POLR1D: variants seen among roughly 807,000 people sequenced by gnomAD.
The protein encoded by POLR1D is DNA-directed RNA polymerases I and III subunit RPAC2.
POLR1D carries 8 observed loss-of-function variants against 10.8 expected under a neutral mutation model. The ratio of observed to expected loss-of-function variants is 0.74; its 90% CI spans 0.43 to 1.33. The LOEUF is 1.33. Among genes scored for constraint, POLR1D ranks in the 40% most tolerant of loss-of-function variants. The pLI is 0.01. For missense variants in POLR1D, 152 were observed against 161.7 expected, an observed-to-expected ratio of 0.94 and a Z score of 0.32; for synonymous variants, 54 against 57.2, an observed-to-expected ratio of 0.94 and a Z score of 0.25.
At chr13:27,654,310 A>T (rs1381467740) in intron 2 of POLR1D, among the ~76,000 whole-genome samples, 2 of 152,164 alleles carry the variant, frequency 1.3e-5, no homozygotes, top group East Asian at 3.8e-4. Context: ...ATTTTGTAAC[A>T]TCATCATTGG....
intron 2 of POLR1D, among the ~76,000 whole-genome samples, chr13:27,653,838 G>A (rs1164011475): frequency 6.6e-6 from 1 of 152,124 alleles, no homozygotes; most frequent in Non-Finnish European, 1.5e-5. Context: ...AGACACCTGG[G>A]TTCTTATATC....
intron 1 of POLR1D, among the ~76,000 whole-genome samples, chr13:27,644,058 C>T (rs928110046): frequency 1.2e-4 from 18 of 152,274 alleles, no homozygotes; most frequent in African/African-American, 4.1e-4. Flanking sequence ...AAGCTTCTAA[C>T]GTTCAGCCTT....
intron 2 of POLR1D, among the ~76,000 whole-genome samples, chr13:27,652,284 A>G (rs1442438276): frequency 6.6e-6 from 1 of 152,162 alleles, no homozygotes; most frequent in African/African-American, 2.4e-5. Context: ...TGGCTTCATA[A>G]AACTTTCTGA....
intron 1 of POLR1D, among the ~76,000 whole-genome samples, chr13:27,639,953 G>A (rs1478722335): frequency 6.6e-6 from 1 of 152,120 alleles, no homozygotes; most frequent in Admixed American, 6.6e-5. Flanking sequence ...AGATCCTGGG[G>A]CCTAGAGTCA....
At chr13:27,629,210 A>G (rs1443839246) in intron 1 of POLR1D, among the ~76,000 whole-genome samples, 1 of 152,184 alleles carries the variant, frequency 6.6e-6, no homozygotes, top group East Asian at 1.9e-4. Flanking sequence ...AAACTTAGGC[A>G]GTATAACATT....
At chr13:27,654,427 A>T (rs1188637699) in intron 2 of POLR1D, among the ~76,000 whole-genome samples, 1 of 152,212 alleles carries the variant, frequency 6.6e-6, no homozygotes, top group African/African-American at 2.4e-5. Context: ...CACCAATCTC[A>T]TCAGATCAGT....
intron 2 of POLR1D, among the ~76,000 whole-genome samples, chr13:27,654,249 G>A (rs1593291742): frequency 6.6e-6 from 1 of 152,072 alleles, no homozygotes; most frequent in African/African-American, 2.4e-5. Flanking sequence ...TACAGTAAAA[G>A]CCCTTTATAT....
chr13:27,644,744 G>A (rs1469509083), intron 1 of POLR1D, among the ~76,000 whole-genome samples: 2 of 151,832 alleles, frequency 1.3e-5, no homozygotes, highest in East Asian at 3.9e-4. Context: ...TTCAAGTTCT[G>A]TATATACTTA....
upstream of POLR1D, chr13:27,620,829 G>C (rs1017105328): frequency 8.5e-5 from 13 of 153,268 alleles, no homozygotes; most frequent in East Asian, 2.3e-3. Flanking sequence ...CCGCTGGCTA[G>C]GTGTCTGCGC....
intron 1 of POLR1D, among the ~76,000 whole-genome samples, chr13:27,631,411 C>G (rs1379693140): frequency 1.3e-5 from 2 of 152,174 alleles, no homozygotes; most frequent in Admixed American, 1.3e-4. Context: ...TGCCTCTGCT[C>G]TATTCTGTTG....
At chr13:27,643,060 G>T (rs1956189666) in intron 1 of POLR1D, among the ~76,000 whole-genome samples, 1 of 151,982 alleles carries the variant, frequency 6.6e-6, no homozygotes. Context: ...AATGAATATT[G>T]GAGCTCCCTC....
chr13:27,624,137 C>A (rs192713933), downstream of POLR1D, among the ~76,000 whole-genome samples: 5 of 152,248 alleles, frequency 3.3e-5, no homozygotes, highest in East Asian at 5.8e-4. Flanking sequence ...TTTATCTATC[C>A]CCTCTTCCTG....
At chr13:27,640,960 T>A (rs748969753) in intron 1 of POLR1D, among the ~76,000 whole-genome samples, 12 of 152,212 alleles carry the variant, frequency 7.9e-5, no homozygotes, top group Non-Finnish European at 1.5e-4. Context: ...GTACTAGGTA[T>A]AATCTAGTCT....
intron 2 of POLR1D, chr13:27,665,389 G>T (rs1336972925): frequency 8.9e-6 from 3 of 335,896 alleles, no homozygotes; most frequent in Non-Finnish European, 1.7e-5. Flanking sequence ...AAATGATTCT[G>T]TTAGTTCACA....
intron 1 of POLR1D, among the ~76,000 whole-genome samples, chr13:27,639,933 G>A (rs1427776393): frequency 6.6e-6 from 1 of 152,148 alleles, no homozygotes; most frequent in South Asian, 2.1e-4. Flanking sequence ...GAGCCGTAGT[G>A]TAAGGATTAA....
intron 1 of POLR1D, among the ~76,000 whole-genome samples, chr13:27,632,868 T>G (rs1358056562): frequency 6.6e-6 from 1 of 152,168 alleles, no homozygotes; most frequent in East Asian, 1.9e-4. Flanking sequence ...ATAGCAGGTG[T>G]TCAAAAAATG....
At chr13:27,652,916 T>C (rs9319381) in intron 2 of POLR1D, among the ~76,000 whole-genome samples, 31,074 of 118,680 alleles carry the variant, frequency 0.26, 5,393 homozygotes, top group Admixed American at 0.35. Flanking sequence ...CATTTCTTTT[T>C]TTTTTTTTTT....
chr13:27,623,038 G>C lies in POLR1D; in HGVS notation c.190G>C (p.Glu64Gln), dbSNP rs762626565. 4 of 1,614,110 alleles carry C rather than the reference G, an allele frequency of 2.5e-6. No homozygotes were observed. The highest frequency in any genetic ancestry group is 2.2e-5 in the East Asian group (1 of 44,882). ...ACGTTACATGATCATGAAGAACCCGGAAGTGGAATTTTGTGGTTACACTAC... is the reference window on the plus strand; with the variant it reads ...ACGTTACATGATCATGAAGAACCCGCAAGTGGAATTTTGTGGTTACACTAC... Reference protein sequence around the residue: ...SLRYMIMKNPEVEFCGYTTTH... With the variant: ...SLRYMIMKNPQVEFCGYTTTH... The change falls in exon 2 of 2, where the codon GAA becomes CAA. Residue 64 changes from glutamate to glutamine, a missense_variant. Transcript: ENST00000302979.
exon 2 of POLR1D, chr13:27,648,402 A>C: frequency 6.2e-7 from 1 of 1,610,534 alleles, no homozygotes; most frequent in Non-Finnish European, 8.5e-7. Flanking sequence ...GAACTGCTTA[A>C]GGAGGCAAAA....
Sources: allele counts gnomAD v4.1 joint callset (sites outside exome capture counted in the v4.1 genomes callset), GRCh38; gene constraint gnomAD v4.1.1; transcripts MANE v1.5; gene names NCBI Gene and HGNC (gene_info 2026-07-23, HGNC 2026-07-21).